C5: variants seen among roughly 807,000 people sequenced by gnomAD.
C5 encodes complement C5.
C5 carries 140 observed loss-of-function variants against 218.8 expected under a neutral mutation model. That is an observed-to-expected ratio of 0.64 (90% CI 0.56 to 0.74). The LOEUF (loss-of-function observed/expected upper bound fraction) is 0.74, where lower values mean the gene tolerates loss of function less well. Ranked by LOEUF, C5 falls within the 30% of genes least tolerant of loss-of-function variation. The probability of loss-of-function intolerance (pLI) is 0.00; values close to 1 mark genes in which losing one functional copy is unlikely to be tolerated. For synonymous variants in C5, 614 were observed against 682.3 expected (o/e 0.90, Z 1.56); for missense variants, 1,700 against 1,969.6 (o/e 0.86, Z 2.59).
At chr9:121,033,416 T>C (rs10985132) in intron 5 of C5, among the ~76,000 whole-genome samples, 113,923 of 152,158 alleles carry the variant, frequency 0.75, 43,052 homozygotes, top group East Asian at 0.96. Context: ...CTTTTTGTAG[T>C]AGCTTCTACT....
chr9:120,975,075 A>C, intron 29 of C5, 144 bp from the exon 30 acceptor site: 1 of 856,232 alleles, frequency 1.2e-6, no homozygotes, highest in South Asian at 1.5e-5. Flanking sequence ...TAAGAGCCCC[A>C]TTGTGGAGGT....
chr9:121,017,830 A>G lies in C5; in HGVS notation c.1529T>C (p.Ile510Thr). The part of the protein sequence containing the change: ...NYLILSKGKI[I>T]HFGTREKFSD... ...AAATTTCTCCCTCGTGCCAAAGTGG[A>G]TAATTTTGCCCTTGGATAAAATCTA... Residue 510 changes from isoleucine (I) to threonine (T), a missense_variant, in exon 13 of 41, where the codon ATC becomes ACC. Coordinates refer to ENST00000223642, the MANE Select transcript of C5 (RefSeq NM_001735.3). The G allele has an allele frequency of 1.2e-6, 2 of 1,612,782 alleles. No individual in the cohort carries two copies. The highest frequency in any genetic ancestry group is 1.1e-5 in the South Asian group (1 of 91,048).
At chr9:121,038,439 C>T (rs1348573607) in intron 3 of C5, among the ~76,000 whole-genome samples, 2 of 152,166 alleles carry the variant, frequency 1.3e-5, no homozygotes, top group Non-Finnish European at 2.9e-5. Context: ...CAAATTAGCT[C>T]TTATTGCAAA....
chr9:121,051,108 A>T (rs1255911684), upstream of C5, among the ~76,000 whole-genome samples: 1 of 151,354 alleles, frequency 6.6e-6, no homozygotes, highest in African/African-American at 2.4e-5. Context: ...AATATACTAA[A>T]ATTTTATCTT....
intron 3 of C5, among the ~76,000 whole-genome samples, chr9:121,040,005 T>C (rs1226583456): frequency 2.0e-5 from 3 of 152,192 alleles, no homozygotes; most frequent in African/African-American, 7.2e-5. Context: ...AAATCAGACA[T>C]GGACATCTTT....
the C5 span, among the ~76,000 whole-genome samples, chr9:121,055,915 G>GAGA: frequency 6.6e-6 from 1 of 152,222 alleles, no homozygotes; most frequent in African/African-American, 2.4e-5. Context: ...ATTTGGGAAA[G>GAGA]AGAGGGAAGA....
intron 17 of C5, among the ~76,000 whole-genome samples, chr9:121,009,786 G>A (rs139106863): frequency 6.6e-6 from 1 of 152,336 alleles, no homozygotes; most frequent in East Asian, 1.9e-4. Context: ...AAGCACCAAT[G>A]CCACTCCTCC....
At chr9:120,967,988 G>A (rs2046881776) in intron 33 of C5, among the ~76,000 whole-genome samples, 1 of 152,120 alleles carries the variant, frequency 6.6e-6, no homozygotes, top group South Asian at 2.1e-4. Context: ...CTCCCAAAGT[G>A]TTGGGATTAC....
chr9:120,975,045 G>A (rs1009098494), intron 29 of C5, 114 bp from the exon 30 acceptor site: 2 of 1,205,242 alleles, frequency 1.7e-6, no homozygotes, highest in Admixed American at 1.7e-5. Context: ...TGAAACTCCA[G>A]CTGACTCAGT....
At chr9:121,014,377 G>T (rs1338572073) in intron 16 of C5, among the ~76,000 whole-genome samples, 2 of 152,118 alleles carry the variant, frequency 1.3e-5, no homozygotes, top group Admixed American at 6.5e-5. Context: ...TATAGAAAAA[G>T]AATAGAAAAT....
intron 33 of C5, among the ~76,000 whole-genome samples, chr9:120,966,621 T>C (rs2046869923): frequency 6.6e-6 from 1 of 151,986 alleles, no homozygotes. Flanking sequence ...AATTTAAAGG[T>C]AATTGTGATC....
Position 120,982,771 on chromosome 9 carries a change from A to G in C5, c.3274T>C (p.Tyr1092His). 2 of 1,600,508 alleles carry G rather than the reference A, an allele frequency of 1.2e-6. No individual in the cohort carries two copies. Among genetic ancestry groups the G allele is most frequent in the South Asian group, 1.1e-5 (1 of 90,556 alleles). The change falls in exon 26 of 41, where the codon TAC becomes CAC. Residue 1092 changes from tyrosine (Y) to histidine (H), a missense_variant. Tyr to His is a moderately conservative substitution (Grantham distance 83). Transcript: ENST00000223642. Reference sequence around the variant, plus strand: ...ATTGAATTTTGGTTCTGCTCTACGTATTTATTTACTTGTCCAAGTACTCTT... The same window carrying G: ...ATTGAATTTTGGTTCTGCTCTACGTGTTTATTTACTTGTCCAAGTACTCTT... ...ALRVLGQVNK[Y>H]VEQNQNSICN...
intron 33 of C5, among the ~76,000 whole-genome samples, chr9:120,964,897 G>T (rs1324939194): frequency 1.7e-4 from 26 of 152,230 alleles, no homozygotes; most frequent in Admixed American, 1.4e-3. Flanking sequence ...GGTGGCAGAG[G>T]CTTAGAGCTA....
At chr9:120,987,055 G>A (rs1282319982) in intron 25 of C5, among the ~76,000 whole-genome samples, 1 of 152,188 alleles carries the variant, frequency 6.6e-6, no homozygotes, top group Non-Finnish European at 1.5e-5. Flanking sequence ...ATCCATGGGG[G>A]ACAAAGGGCA....
At chr9:121,027,535 C>T (rs1230603432) in intron 7 of C5, among the ~76,000 whole-genome samples, 2 of 152,134 alleles carry the variant, frequency 1.3e-5, no homozygotes, top group Non-Finnish European at 2.9e-5. Flanking sequence ...TCAGAAATAA[C>T]ACCACACATC....
intron 17 of C5, among the ~76,000 whole-genome samples, chr9:121,011,378 C>A (rs1247840866): frequency 2.0e-5 from 3 of 152,166 alleles, no homozygotes; most frequent in African/African-American, 7.2e-5. Context: ...TGAAAAGGTG[C>A]TCAACATCAG....
At chr9:121,065,776 C>T in the C5 span, among the ~76,000 whole-genome samples, 2 of 152,306 alleles carry the variant, frequency 1.3e-5, no homozygotes, top group East Asian at 1.9e-4. Context: ...GTGTGAGCCA[C>T]TGCGCCCAGC....
chr9:121,032,196 C>G lies in C5; in HGVS notation c.585-1G>C, dbSNP rs1354474755. The G allele has an allele frequency of 1.3e-6, 2 of 1,563,472 alleles. No individual in the cohort carries two copies. Among genetic ancestry groups the G allele is most frequent in the African/African-American group, 2.7e-5 (2 of 74,082 alleles). On this transcript the variant is annotated splice_acceptor_variant, in intron 5 of 40. Transcript: ENST00000223642. LOFTEE classifies it high-confidence loss of function. Reference sequence around the variant, plus strand: ...AGCCTTGATCGTCCACATACCATATCTGTGGAAGCAAAATATTTAAAATTA... The same window carrying G: ...AGCCTTGATCGTCCACATACCATATGTGTGGAAGCAAAATATTTAAAATTA...
At chr9:121,044,555 AT>A (rs2047609794) in intron 2 of C5, among the ~76,000 whole-genome samples, 1 of 152,216 alleles carries the variant, frequency 6.6e-6, no homozygotes, top group African/African-American at 2.4e-5. Context: ...AATAAATGAG[AT>A]TTGACACTGC....
Sources: allele counts gnomAD v4.1 joint callset (sites outside exome capture counted in the v4.1 genomes callset), GRCh38; gene constraint gnomAD v4.1.1; transcripts MANE v1.5; gene names NCBI Gene and HGNC (gene_info 2026-07-23, HGNC 2026-07-21).